The following IGSF11 variants were observed in gnomAD, a reference collection of about 807,000 sequenced individuals.
IGSF11 encodes the protein immunoglobulin superfamily member 11.
Under a neutral mutation model 41.0 loss-of-function variants are expected in IGSF11, and 22 were observed. That is an observed-to-expected ratio of 0.54 (90% confidence interval 0.38 to 0.77). The LOEUF is 0.77. Ranked by LOEUF, IGSF11 falls within the 30% of genes least tolerant of loss-of-function variation. IGSF11 has a pLI of 0.00. For missense variants in IGSF11, 444 were observed against 530.8 expected (o/e 0.84, Z 1.61); for synonymous variants, 219 against 201.3 (o/e 1.09, Z -0.74).
At chr3:119,000,470 G>A (rs1016572563) in intron 1 of IGSF11, among the ~76,000 whole-genome samples, 1 of 151,126 alleles carries the variant, frequency 6.6e-6, no homozygotes, top group African/African-American at 2.4e-5. Flanking sequence ...CGTATTTAAT[G>A]GCAACTCTGT....
At chr3:119,047,337 A>G (rs758490896) in intron 1 of IGSF11, among the ~76,000 whole-genome samples, 161 of 152,288 alleles carry the variant, frequency 1.1e-3, no homozygotes, top group Middle Eastern at 3.4e-3. Context: ...AAAAGGCAGG[A>G]GTTGCAATCC....
chr3:118,976,908 A>C (rs749230428), intron 1 of IGSF11, among the ~76,000 whole-genome samples: 1 of 152,228 alleles, frequency 6.6e-6, no homozygotes, highest in Non-Finnish European at 1.5e-5. Flanking sequence ...AAATAGTCAT[A>C]AATTCTCTAA....
At chr3:119,058,831 G>A (rs1160770952) in intron 1 of IGSF11, among the ~76,000 whole-genome samples, 1 of 152,144 alleles carries the variant, frequency 6.6e-6, no homozygotes, top group Non-Finnish European at 1.5e-5. Flanking sequence ...GTAGGGACAT[G>A]GATGAAGCTG....
intron 5 of IGSF11, among the ~76,000 whole-genome samples, chr3:118,905,021 A>G (rs1236886960): frequency 1.3e-5 from 2 of 152,206 alleles, no homozygotes; most frequent in African/African-American, 4.8e-5. Context: ...TTGAATGAAT[A>G]AACAATTAAA....
intron 1 of IGSF11, among the ~76,000 whole-genome samples, chr3:119,114,544 T>C (rs2077230221): frequency 6.6e-6 from 1 of 152,210 alleles, no homozygotes; most frequent in African/African-American, 2.4e-5. Flanking sequence ...TTTGCTACAG[T>C]TCCCAATAAG....
At chr3:118,920,130 G>A (rs1443617737) in intron 4 of IGSF11, among the ~76,000 whole-genome samples, 4 of 118,596 alleles carry the variant, frequency 3.4e-5, no homozygotes, top group Non-Finnish European at 5.2e-5. Context: ...GGAGGGGGGA[G>A]GGATAGCATT....
chr3:118,939,575 C>CAA (rs34558286), intron 1 of IGSF11, among the ~76,000 whole-genome samples: 18,824 of 137,222 alleles, frequency 0.14, 1,636 homozygotes, highest in Admixed American at 0.24. Flanking sequence ...GACTCCGTCT[C>CAA]AAAAAAAAAA....
chr3:118,923,488 T>C (rs541223705), intron 4 of IGSF11, among the ~76,000 whole-genome samples: 2 of 152,350 alleles, frequency 1.3e-5, no homozygotes, highest in South Asian at 4.1e-4. Flanking sequence ...CTATAGTTTA[T>C]ATTGTTTCAT....
intron 1 of IGSF11, 139 bp downstream of exon 1, chr3:119,034,392 A>C (rs1940723654): frequency 1.2e-6 from 1 of 853,994 alleles, no homozygotes; most frequent in South Asian, 2.5e-5. Context: ...CGGCCGCAGC[A>C]ACGAACGCCG....
At chr3:119,009,753 T>C (rs1322615562) in intron 1 of IGSF11, among the ~76,000 whole-genome samples, 1 of 152,174 alleles carries the variant, frequency 6.6e-6, no homozygotes, top group Non-Finnish European at 1.5e-5. Context: ...GATTGTTAAG[T>C]AGTTGGGAAA....
chr3:118,915,045 CCTGT>C (rs1371009107), intron 4 of IGSF11, among the ~76,000 whole-genome samples: 5 of 132,116 alleles, frequency 3.8e-5, no homozygotes, highest in Non-Finnish European at 7.9e-5. Flanking sequence ...AGCTGAGGGT[CCTGT>C]CTGTTAGAAG....
intron 1 of IGSF11, among the ~76,000 whole-genome samples, chr3:118,993,580 G>A (rs1275118136): frequency 6.6e-6 from 1 of 152,122 alleles, no homozygotes; most frequent in Non-Finnish European, 1.5e-5. Context: ...TTCACAGCAT[G>A]ATAGCCAAAA....
At chr3:119,106,850 T>G (rs9854163), upstream of IGSF11, among the ~76,000 whole-genome samples, 1 of 151,992 alleles carries the variant, frequency 6.6e-6, no homozygotes, top group Non-Finnish European at 1.5e-5. Flanking sequence ...TGGTTTTTTG[T>G]CCTTGAGATA....
chr3:118,914,444 G>A (rs1473592898), intron 4 of IGSF11, among the ~76,000 whole-genome samples: 4 of 151,516 alleles, frequency 2.6e-5, no homozygotes. Context: ...CCTCACCTGG[G>A]AAGCGCAAGG....
chr3:119,031,557 A>G (rs1322225567), intron 1 of IGSF11, among the ~76,000 whole-genome samples: 3 of 152,240 alleles, frequency 2.0e-5, no homozygotes, highest in Admixed American at 2.0e-4. Context: ...GGGAAGCCAA[A>G]ACAAGTACTT....
At position 118,928,394 on chromosome 3, in the gene IGSF11, G is replaced by C. The variant is rs115544273; in HGVS notation, c.424+115C>G. 3.1e-4 allele frequency: 223 copies of C among 715,410 alleles called. No homozygotes were observed. In the African/African-American group the frequency reaches 3.7e-3, roughly 12 times the overall value. The allele number at this position is 715,410 out of a possible 1,614,324, so 44.3% of individuals were successfully genotyped here. A position where few individuals can be genotyped will look rare whatever the true frequency, so the allele number is the denominator to read the frequency against. On this transcript the variant is annotated intron_variant, in intron 3 of 6. Transcript: ENST00000393775. ...GAGAGAAGAGATGGAACTGAGAGAA[G>C]ACAGAAAAAGAACATAAGCAGACTG...
chr3:118,991,890 G>T (rs983736285), intron 1 of IGSF11, among the ~76,000 whole-genome samples: 2 of 152,234 alleles, frequency 1.3e-5, no homozygotes, highest in Admixed American at 1.3e-4. Context: ...AGTGTATGGA[G>T]GTAAGCAAGG....
At chr3:119,055,497 T>C (rs539971066) in intron 1 of IGSF11, among the ~76,000 whole-genome samples, 132 of 152,254 alleles carry the variant, frequency 8.7e-4, no homozygotes, top group African/African-American at 3.0e-3. Flanking sequence ...ACAAAGAGAC[T>C]TAGAATCCTA....
At chr3:119,012,051 G>A (rs1938192161) in intron 1 of IGSF11, among the ~76,000 whole-genome samples, 2 of 152,130 alleles carry the variant, frequency 1.3e-5, no homozygotes, top group South Asian at 4.1e-4. Flanking sequence ...GAGAGCGTGA[G>A]TGCGAGAGCA....
Sources: gnomAD v4.1 joint callset for allele counts (sites outside exome capture counted in the v4.1 genomes callset) on GRCh38, gnomAD v4.1.1 for gene constraint, MANE v1.5 for transcripts, NCBI Gene and HGNC (gene_info 2026-07-23, HGNC 2026-07-21) for gene names.